Variants in ITSN2 observed in about 807,000 individuals in gnomAD.
ITSN2 encodes the protein intersectin 2, also known as intersectin-2.
Under a neutral mutation model 243.7 loss-of-function variants are expected in ITSN2, and 156 were observed. The observed-to-expected ratio is 0.64, with a 90% confidence interval of 0.56 to 0.73. The LOEUF (loss-of-function observed/expected upper bound fraction) is 0.73. Among genes scored for constraint, ITSN2 ranks in the 30% least tolerant of loss-of-function variants. The pLI is 0.00. For missense variants in ITSN2, 1,801 were observed against 1,996.1 expected, an observed-to-expected ratio of 0.90 and a Z score of 1.86; for synonymous variants, 703 against 699.9, an observed-to-expected ratio of 1.00 and a Z score of -0.07.
At chr2:24,262,013 T>C (rs1482424761) in intron 20 of ITSN2, among the ~76,000 whole-genome samples, 2 of 152,218 alleles carry the variant, frequency 1.3e-5, no homozygotes, top group Non-Finnish European at 1.5e-5. Context: ...AATCCTCCCC[T>C]ATCTCATGGC....
chr2:24,233,672 T>C (rs2551175), intron 29 of ITSN2, among the ~76,000 whole-genome samples: 148,938 of 152,288 alleles, frequency 0.98, 72,828 homozygotes, highest in East Asian at 0.99. Context: ...TTAGCTGTTA[T>C]TTCTAGTATC....
chr2:24,280,478 G>A (rs1389246453), intron 17 of ITSN2, among the ~76,000 whole-genome samples: 1 of 152,114 alleles, frequency 6.6e-6, no homozygotes, highest in African/African-American at 2.4e-5. Flanking sequence ...TCCTCTATGT[G>A]ATCAGGAAAC....
At chr2:24,309,011 C>G (rs1009534269) in intron 7 of ITSN2, 2 of 413,498 alleles carry the variant, frequency 4.8e-6, no homozygotes, top group Non-Finnish European at 1.0e-5. Flanking sequence ...TTGTGAATGG[C>G]ACATGTGAGG....
chr2:24,264,622 C>T (rs1022274851), intron 20 of ITSN2, among the ~76,000 whole-genome samples: 1 of 152,174 alleles, frequency 6.6e-6, no homozygotes, highest in African/African-American at 2.4e-5. Context: ...TCCATTGTTC[C>T]AATACCATTT....
At chr2:24,210,668 G>T in intron 34 of ITSN2, 112 bp downstream of exon 34, 7 of 776,068 alleles carry the variant, frequency 9.0e-6, no homozygotes, top group Non-Finnish European at 1.4e-5. Context: ...GCAGGGTGGT[G>T]AGTCCACGCA....
chr2:24,330,958 C>T (rs1177216904), intron 1 of ITSN2, among the ~76,000 whole-genome samples: 3 of 150,772 alleles, frequency 2.0e-5, no homozygotes, highest in South Asian at 2.1e-4. Context: ...GCAGAGATGG[C>T]GTTTCACCAT....
At chr2:24,357,648 G>GT (rs1310537925) in intron 1 of ITSN2, among the ~76,000 whole-genome samples, 1 of 151,800 alleles carries the variant, frequency 6.6e-6, no homozygotes, top group Non-Finnish European at 1.5e-5. Flanking sequence ...TTCAAAAACA[G>GT]TTTTTTCACA....
chr2:24,340,419 T>C lies in ITSN2; in HGVS notation c.-33-12304A>G, dbSNP rs575985618. Among the ~76,000 whole-genome samples, 4 of 151,242 alleles carry C rather than the reference T, an allele frequency of 2.6e-5. No homozygotes were observed. The East Asian group carries it at 5.8e-4, about 22-fold the overall frequency. Reference sequence around the variant, plus strand: ...TCGCTTGAACCCGGGGGGTGGAGGTTACAGCGAACTGAGATCACGTCACTG... The same window carrying C: ...TCGCTTGAACCCGGGGGGTGGAGGTCACAGCGAACTGAGATCACGTCACTG... On this transcript the variant is annotated intron_variant, in intron 1 of 39. Transcript: ENST00000355123.
At chr2:24,321,410 G>C (rs987132792) in intron 2 of ITSN2, among the ~76,000 whole-genome samples, 1 of 152,056 alleles carries the variant, frequency 6.6e-6, no homozygotes, top group Non-Finnish European at 1.5e-5. Flanking sequence ...TTGAAAAGTA[G>C]GTGCTCACTG....
intron 8 of ITSN2, among the ~76,000 whole-genome samples, chr2:24,307,438 T>C (rs1238778665): frequency 6.6e-6 from 1 of 152,024 alleles, no homozygotes; most frequent in Non-Finnish European, 1.5e-5. Flanking sequence ...TAATATGAAA[T>C]ACATGTAAAA....
At position 24,203,535 on chromosome 2, in the gene ITSN2, A is replaced by G. The variant is rs764863027; in HGVS notation, c.*91T>C. On this transcript the variant is annotated 3_prime_UTR_variant, in exon 40 of 40. Coordinates refer to ENST00000355123, the MANE Select transcript of ITSN2 (RefSeq NM_006277.3). ...ATGGCTTTGTGAGGGGTGAAGCTGC[A>G]TGGTGCTCCCTCAGCCCCAAGAGAG... 19 of 1,308,804 alleles carry G rather than the reference A, an allele frequency of 1.5e-5. No individual in the cohort carries two copies. The highest frequency in any genetic ancestry group is 3.0e-5 in the African/African-American group (2 of 67,314). 81.1% of individuals were successfully genotyped at this position (1,308,804 alleles called of 1,614,324 possible).
Position 24,298,813 on chromosome 2 carries a change from G to A in ITSN2, c.1346C>T (p.Ala449Val). The A allele has an allele frequency of 1.3e-6, 2 of 1,573,186 alleles. No individual in the cohort carries two copies. The highest frequency in any genetic ancestry group is 2.1e-5 in the Admixed American group (1 of 47,476). The stretch of plus-strand genomic sequence containing the variant: ...TTGTCGTTCAAGTTCCTGTTTTGCT[G>A]CCTGAAAAAAAAAAGGAATTATACT... The part of the protein sequence containing the change: ...ERRKDIERRE[A>V]AKQELERQRR... The change falls in exon 13 of 40, where the codon GCA (alanine) becomes GTA (valine). Residue 449 changes from alanine to valine, a missense_variant and splice_region_variant. This residue lies in a region of ITSN2 where 787 missense variants were observed against 803.9 expected (regional missense o/e 0.98). Coordinates refer to ENST00000355123, the MANE Select transcript of ITSN2 (RefSeq NM_006277.3).
intron 1 of ITSN2, among the ~76,000 whole-genome samples, chr2:24,354,873 A>G (rs1688310908): frequency 2.6e-5 from 4 of 152,258 alleles, no homozygotes; most frequent in South Asian, 2.1e-4. Context: ...AATGTCTGCC[A>G]TAATCCACTG....
At chr2:24,270,084 G>C (rs983401637) in intron 20 of ITSN2, among the ~76,000 whole-genome samples, 1 of 152,204 alleles carries the variant, frequency 6.6e-6, no homozygotes, top group Non-Finnish European at 1.5e-5. Flanking sequence ...GGGGGAAAGA[G>C]GCACTGGCTA....
intron 11 of ITSN2, 74 bp downstream of exon 11, chr2:24,301,080 A>T (rs1405650753): frequency 1.3e-6 from 1 of 785,380 alleles, no homozygotes; most frequent in African/African-American, 1.8e-5. Flanking sequence ...AAAAATTCTA[A>T]ATATTCCATT....
chr2:24,302,877 C>G (rs1003838664), intron 9 of ITSN2, among the ~76,000 whole-genome samples: 5 of 152,130 alleles, frequency 3.3e-5, no homozygotes, highest in Admixed American at 3.3e-4. Context: ...ACATATCAGT[C>G]AACAATGGAC....
intron 22 of ITSN2, among the ~76,000 whole-genome samples, chr2:24,260,231 G>T (rs564406379): frequency 6.6e-6 from 1 of 152,138 alleles, no homozygotes; most frequent in African/African-American, 2.4e-5. Flanking sequence ...GTCAATGTCA[G>T]GTATTTTTTG....
chr2:24,274,373 C>T (rs1047466310), intron 18 of ITSN2, among the ~76,000 whole-genome samples: 14 of 151,990 alleles, frequency 9.2e-5, no homozygotes, highest in East Asian at 3.9e-4. Flanking sequence ...AGTTTGAGAC[C>T]GGCCTGAGCA....
chr2:24,358,841 A>G (rs977918327), intron 1 of ITSN2, among the ~76,000 whole-genome samples: 9 of 152,178 alleles, frequency 5.9e-5, no homozygotes, highest in African/African-American at 2.2e-4. Context: ...GTACCGAACA[A>G]TGGTAACTCC....
Sources: allele counts gnomAD v4.1 joint callset (sites outside exome capture counted in the v4.1 genomes callset), GRCh38; gene constraint gnomAD v4.1.1; regional missense constraint gnomAD v4.1.1; transcripts MANE v1.5; gene names NCBI Gene and HGNC (gene_info 2026-07-23, HGNC 2026-07-21).